Variants in CDC7 observed in about 807,000 individuals in gnomAD.
CDC7 encodes cell division cycle 7.
Under a neutral mutation model 53.5 loss-of-function variants are expected in CDC7, and 34 were observed. The observed-to-expected ratio is 0.64, with a 90% CI of 0.48 to 0.85. The LOEUF is 0.85. CDC7 is among the 40% of genes least tolerant of loss of function. The pLI is 0.00. For missense variants in CDC7, 594 were observed against 679.7 expected (o/e 0.87, Z 1.40); for synonymous variants, 211 against 222.8 (o/e 0.95, Z 0.47).
chr1:91,515,766 A>G, intron 9 of CDC7, 28 bp from the exon 10 acceptor site: 1 of 1,610,910 alleles, frequency 6.2e-7, no homozygotes, highest in Non-Finnish European at 8.5e-7. Context: ...ACTTTAACAT[A>G]ACTAGAGAAA....
chr1:91,503,877 T>G (rs1331168014), intron 2 of CDC7, among the ~76,000 whole-genome samples: 3 of 152,142 alleles, frequency 2.0e-5, no homozygotes, highest in African/African-American at 7.2e-5. Context: ...GGGATCTTAT[T>G]TCTGATCTCC....
At position 91,515,824 on chromosome 1, in the gene CDC7, A is replaced by G; in HGVS notation, c.1128A>G (p.Thr376=). ...RRQQVAPRAG[T]PGFRAPEVLT... Reference sequence around the variant, plus strand: ...AGCAGGTTGCCCCTAGGGCAGGTACACCAGGATTCAGAGCACCAGAGGTCT... The same window carrying G: ...AGCAGGTTGCCCCTAGGGCAGGTACGCCAGGATTCAGAGCACCAGAGGTCT... Residue 376 remains threonine (T), a synonymous_variant, in exon 10 of 12, where the codon ACA becomes ACG. Transcript: ENST00000234626. 6.2e-7 allele frequency: 1 copy of G among 1,613,844 alleles called. No individual in the cohort carries two copies. The highest frequency in any genetic ancestry group is 1.3e-5 in the African/African-American group (1 of 75,038).
At chr1:91,519,243 T>C (rs12024529) in intron 10 of CDC7, among the ~76,000 whole-genome samples, 39,619 of 127,608 alleles carry the variant, frequency 0.31, 5,893 homozygotes, top group East Asian at 0.51. Context: ...AAACCTCGTC[T>C]CTACTAAAAA....
rs1668220594 is a variant in CDC7, at chr1:91,525,491, T to C, written c.*1056T>C. 1 of 152,154 alleles carries C rather than the reference T, an allele frequency of 6.6e-6. No individual in the cohort carries two copies. Among genetic ancestry groups the C allele is most frequent in the African/African-American group, 2.4e-5 (1 of 41,454 alleles). 9.4% of individuals were successfully genotyped at this position (152,154 alleles called of 1,614,324 possible). A position where few individuals can be genotyped will look rare whatever the true frequency, so the allele number is the denominator to read the frequency against. On this transcript the variant is annotated 3_prime_UTR_variant, in exon 12 of 12. Coordinates refer to ENST00000234626, the MANE Select transcript of CDC7 (RefSeq NM_003503.4). Reference sequence around the variant, plus strand: ...TATATTCAGAAATGGTATATATCAATGACAGCATATCAAACTTCCTATGGG... The same window carrying C: ...TATATTCAGAAATGGTATATATCAACGACAGCATATCAAACTTCCTATGGG...
rs1160773734 is a variant in CDC7, at chr1:91,501,725, G to A, written c.9G>A (p.Ala3=). Reference sequence around the variant, plus strand: ...ATCTCAATTGGCTTGTGATGGAGGCGTCTTTGGGGATTCAGATGGATGAGC... The same window carrying A: ...ATCTCAATTGGCTTGTGATGGAGGCATCTTTGGGGATTCAGATGGATGAGC... The part of the protein sequence containing the change: ME[A]SLGIQMDEPM... The change falls in exon 2 of 12, where the codon GCG becomes GCA. Residue 3 remains alanine, a synonymous_variant. Coordinates refer to ENST00000234626, the MANE Select transcript of CDC7 (RefSeq NM_003503.4). The A allele has an allele frequency of 1.2e-6, 2 of 1,613,650 alleles. No individual in the cohort carries two copies. Among genetic ancestry groups the A allele is most frequent in the South Asian group, 2.2e-5 (2 of 91,074 alleles).
At chr1:91,523,108 AGTTT>A (rs1308084483) in intron 11 of CDC7, among the ~76,000 whole-genome samples, 2 of 152,282 alleles carry the variant, frequency 1.3e-5, no homozygotes, top group African/African-American at 4.8e-5. Context: ...AAACAGATCT[AGTTT>A]GTTTATTTGT....
Position 91,508,345 on chromosome 1 carries a change from A to T in CDC7, c.283A>T (p.Thr95Ser). The T allele has an allele frequency of 6.2e-7, 1 of 1,611,906 alleles. No homozygotes were observed. Among genetic ancestry groups the T allele is most frequent in the Non-Finnish European group, 8.5e-7 (1 of 1,178,438 alleles). Reference sequence around the variant, plus strand: ...AATTGCTCTAAAACACTTGATTCCAACAAGTCATCCTATAAGAATTGCAGC... The same window carrying T: ...AATTGCTCTAAAACACTTGATTCCATCAAGTCATCCTATAAGAATTGCAGC... ...EKIALKHLIP[T>S]SHPIRIAAEL... The change falls in exon 4 of 12, where the codon ACA (threonine) becomes TCA (serine). Residue 95 changes from threonine to serine, a missense_variant. Transcript: ENST00000234626.
chr1:91,502,592 C>T (rs1666750822), intron 2 of CDC7, among the ~76,000 whole-genome samples: 2 of 152,284 alleles, frequency 1.3e-5, no homozygotes, highest in Non-Finnish European at 2.9e-5. Flanking sequence ...ACATCACATA[C>T]TTTCTGCTTT....
At chr1:91,505,101 C>T (rs1257509220) in intron 2 of CDC7, among the ~76,000 whole-genome samples, 1 of 152,102 alleles carries the variant, frequency 6.6e-6, no homozygotes, top group Non-Finnish European at 1.5e-5. Context: ...TGAGCTAAGA[C>T]TTCAAGGTGG....
chr1:91,506,821 G>A (rs566383506), intron 2 of CDC7, among the ~76,000 whole-genome samples: 2 of 152,136 alleles, frequency 1.3e-5, no homozygotes, highest in East Asian at 3.9e-4. Context: ...GTGGTGTTGC[G>A]TGCCTGTAAT....
At chr1:91,507,989 A>G (rs1284520468) in intron 3 of CDC7, 52 bp downstream of exon 3, 3 of 1,477,608 alleles carry the variant, frequency 2.0e-6, no homozygotes, top group African/African-American at 2.9e-5. Context: ...TTTCCATTCT[A>G]TTTTCCTTTT....
chr1:91,524,859 G>C lies in CDC7; in HGVS notation c.*424G>C. On this transcript the variant is annotated 3_prime_UTR_variant, in exon 12 of 12. Coordinates refer to ENST00000234626, the MANE Select transcript of CDC7 (RefSeq NM_003503.4). The stretch of plus-strand genomic sequence containing the variant: ...GTATAGTTTGGGGAAACTCAACCTG[G>C]TGCTGGTGCTCTTAACAATTTTGTA... 1 of 153,736 alleles carries C rather than the reference G, an allele frequency of 6.5e-6. No individual in the cohort carries two copies. The highest frequency in any genetic ancestry group is 1.4e-5 in the Non-Finnish European group (1 of 69,858). The allele number at this position is 153,736 out of a possible 1,614,324, so 9.5% of individuals were successfully genotyped here. A position where few individuals can be genotyped will look rare whatever the true frequency, so the allele number is the denominator to read the frequency against.
rs1305151789 is a variant in CDC7 at position 91,508,253 on chromosome 1, G to GT, written c.200-5dup. 6.3e-7 allele frequency: 1 copy of GT among 1,575,546 alleles called. No homozygotes were observed. The highest frequency in any genetic ancestry group is 1.4e-5 in the African/African-American group (1 of 72,742). ...CAGATATTGAAAAATTTAATAAATT[G>GT]TTTTACAGGCACTTTCAGCTCTGTT... On this transcript the variant is annotated splice_polypyrimidine_tract_variant and intron_variant, in intron 3 of 11. Transcript: ENST00000234626.
At chr1:91,505,496 A>G (rs1666938455) in intron 2 of CDC7, among the ~76,000 whole-genome samples, 1 of 152,200 alleles carries the variant, frequency 6.6e-6, no homozygotes, top group African/African-American at 2.4e-5. Flanking sequence ...ATTAAAACCA[A>G]CTTGGATATA....
At chr1:91,503,908 T>A (rs1666835790) in intron 2 of CDC7, among the ~76,000 whole-genome samples, 1 of 152,116 alleles carries the variant, frequency 6.6e-6, no homozygotes, top group African/African-American at 2.4e-5. Context: ...ATATATATCT[T>A]GAATATTGCT....
intron 10 of CDC7, among the ~76,000 whole-genome samples, chr1:91,519,256 CAAAAAAAAAA>C (rs71087957): frequency 0.076 from 4,554 of 60,252 alleles, 176 homozygotes; most frequent in African/African-American, 0.21. Context: ...ACTAAAAATA[CAAAAAAAAAA>C]AAAAAAAAAA....
chr1:91,523,961 T>C, intron 11 of CDC7, 80 bp from the exon 12 acceptor site: 1 of 1,068,946 alleles, frequency 9.4e-7, no homozygotes, highest in Non-Finnish European at 1.3e-6. Context: ...ACTTTCATGT[T>C]TCTCATGAGA....
chr1:91,522,178 T>C (rs945883433), intron 11 of CDC7, among the ~76,000 whole-genome samples: 4 of 152,144 alleles, frequency 2.6e-5, no homozygotes, highest in Non-Finnish European at 4.4e-5. Context: ...AAACAAATAA[T>C]AAAAATAATG....
chr1:91,524,649 C>T lies in CDC7; in HGVS notation c.*214C>T. On this transcript the variant is annotated 3_prime_UTR_variant, in exon 12 of 12. Transcript: ENST00000234626. ...ACAACATGATCTTCTTTGAGTTAAACCTACCTAAGTAGATTTTAGGTGGGT... is the reference window on the plus strand; with the variant it reads ...ACAACATGATCTTCTTTGAGTTAAATCTACCTAAGTAGATTTTAGGTGGGT... The T allele has an allele frequency of 2.1e-6, 1 of 481,964 alleles. No homozygotes were observed. The allele number at this position is 481,964 out of a possible 1,614,324, so 29.9% of individuals were successfully genotyped here. A position where few individuals can be genotyped will look rare whatever the true frequency, so the allele number is the denominator to read the frequency against.
Sources: allele counts gnomAD v4.1 joint callset (sites outside exome capture counted in the v4.1 genomes callset), GRCh38; gene constraint gnomAD v4.1.1; transcripts MANE v1.5; gene names NCBI Gene and HGNC (gene_info 2026-07-23, HGNC 2026-07-21).